DCDC1: variants seen among roughly 807,000 people sequenced by gnomAD.
DCDC1 encodes the protein doublecortin domain-containing protein 1.
Under a neutral mutation model 178.3 loss-of-function variants are expected in DCDC1, and 200 were observed. The observed-to-expected ratio is 1.12, with a 90% CI of 1.00 to 1.26. The LOEUF is 1.26. DCDC1 is among the 50% of genes most tolerant of loss of function. DCDC1 has a pLI of 0.00. For missense variants in DCDC1, 1,983 were observed against 1,749.2 expected, an observed-to-expected ratio of 1.13 and a Z score of -2.38; for synonymous variants, 690 against 604.8, an observed-to-expected ratio of 1.14 and a Z score of -2.07.
rs951060186 is a variant in DCDC1, at chr11:31,272,818, A to G, written c.961-7218T>C. On this transcript the variant is annotated intron_variant, in intron 7 of 38. Transcript: ENST00000684477. ...GAATGTCTGAAGCATTTCCAGATGC[A>G]TGGTGCAAGTTGTCAGTGGATCTAC... Among the ~76,000 whole-genome samples, 3 of 152,194 alleles carry G rather than the reference A, an allele frequency of 2.0e-5. No homozygotes were observed. The South Asian group carries it at 6.2e-4, about 32-fold the overall frequency.
chr11:30,888,632 G>C (rs972654216), intron 36 of DCDC1, among the ~76,000 whole-genome samples: 1 of 152,012 alleles, frequency 6.6e-6, no homozygotes, highest in East Asian at 1.9e-4. Context: ...CAGGAGAATC[G>C]CTTGAACCCA....
intron 20 of DCDC1, among the ~76,000 whole-genome samples, chr11:30,967,635 C>G (rs374915102): frequency 3.5e-4 from 53 of 152,252 alleles, no homozygotes; most frequent in African/African-American, 1.2e-3. Context: ...TGTGTGTTTA[C>G]CCAGGAAATT....
At chr11:31,021,972 C>T (rs1354735030) in intron 20 of DCDC1, among the ~76,000 whole-genome samples, 1 of 152,144 alleles carries the variant, frequency 6.6e-6, no homozygotes, top group African/African-American at 2.4e-5. Flanking sequence ...TTGCACTAGT[C>T]TCACAGGTAA....
chr11:30,912,370 A>G (rs555265218), intron 27 of DCDC1, among the ~76,000 whole-genome samples: 48 of 151,506 alleles, frequency 3.2e-4, no homozygotes, highest in African/African-American at 1.2e-3. Context: ...TGCAACCTCT[A>G]CCTCTTGGGT....
intron 9 of DCDC1, among the ~76,000 whole-genome samples, chr11:31,227,559 C>A (rs192138081): frequency 6.6e-6 from 1 of 152,064 alleles, no homozygotes; most frequent in African/African-American, 2.4e-5. Context: ...CACAAAGAAA[C>A]TTATTTTATC....
chr11:31,185,140 T>C (rs1367354819), intron 9 of DCDC1, among the ~76,000 whole-genome samples: 1 of 152,228 alleles, frequency 6.6e-6, no homozygotes, highest in Non-Finnish European at 1.5e-5. Context: ...ACCATCATTC[T>C]CAGCAAACTA....
chr11:31,216,241 C>T (rs937535267), intron 9 of DCDC1, among the ~76,000 whole-genome samples: 3 of 152,074 alleles, frequency 2.0e-5, no homozygotes, highest in African/African-American at 7.2e-5. Context: ...AGAAAATGGG[C>T]ATGATAGACA....
chr11:30,937,184 A>G (rs1471423036), intron 21 of DCDC1, among the ~76,000 whole-genome samples: 1 of 151,962 alleles, frequency 6.6e-6, no homozygotes, highest in East Asian at 1.9e-4. Context: ...TCCATTTAAC[A>G]TTTTCTTGAA....
intron 20 of DCDC1, among the ~76,000 whole-genome samples, chr11:30,954,884 TTA>T (rs1948676179): frequency 6.6e-6 from 1 of 152,224 alleles, no homozygotes; most frequent in African/African-American, 2.4e-5. Context: ...GCAATGCTTT[TTA>T]TATGTCTTGT....
intron 17 of DCDC1, among the ~76,000 whole-genome samples, chr11:31,090,824 A>G (rs958211917): frequency 6.6e-6 from 1 of 152,212 alleles, no homozygotes; most frequent in Non-Finnish European, 1.5e-5. Flanking sequence ...GAAAACAAAC[A>G]TCAAAACAAA....
At chr11:31,158,576 T>C (rs1049377015) in intron 9 of DCDC1, among the ~76,000 whole-genome samples, 1 of 152,228 alleles carries the variant, frequency 6.6e-6, no homozygotes, top group Non-Finnish European at 1.5e-5. Flanking sequence ...TCTGCTTCTA[T>C]ACATTTGACT....
chr11:30,959,703 C>G (rs1430174188), intron 20 of DCDC1, among the ~76,000 whole-genome samples: 1 of 152,114 alleles, frequency 6.6e-6, no homozygotes, highest in Non-Finnish European at 1.5e-5. Flanking sequence ...TTATATAATC[C>G]AGAAGTGAGG....
intron 9 of DCDC1, among the ~76,000 whole-genome samples, chr11:31,145,546 T>C (rs1964349203): frequency 6.6e-6 from 1 of 152,244 alleles, no homozygotes; most frequent in Non-Finnish European, 1.5e-5. Flanking sequence ...AATGCAGTTC[T>C]CAAGTTCTTT....
At chr11:30,871,951 T>C (rs1245947840) in intron 38 of DCDC1, among the ~76,000 whole-genome samples, 2 of 152,008 alleles carry the variant, frequency 1.3e-5, no homozygotes, top group African/African-American at 4.8e-5. Flanking sequence ...CATACATATA[T>C]ATACATTGCA....
rs1165422439 is a variant in DCDC1 at position 31,067,615 on chromosome 11, A to G, written c.2299-2462T>C. ...CAATATTCATAGCAACATTATTCAT[A>G]GTAGCCAAAATAGTGGAAAGAAATA... On this transcript the variant is annotated intron_variant, in intron 18 of 38. Transcript: ENST00000684477. Among the ~76,000 whole-genome samples, 4 of 152,322 alleles carry G rather than the reference A, an allele frequency of 2.6e-5. No individual in the cohort carries two copies. In the East Asian group the frequency reaches 7.7e-4, roughly 29 times the overall value.
chr11:31,268,130 ATAT>A (rs1945296938), intron 7 of DCDC1, among the ~76,000 whole-genome samples: 1 of 152,164 alleles, frequency 6.6e-6, no homozygotes, highest in South Asian at 2.1e-4. Context: ...CAATTTCTTA[ATAT>A]TATGAAGTTA....
chr11:31,040,170 C>G (rs1204725254), intron 20 of DCDC1, among the ~76,000 whole-genome samples: 1 of 151,990 alleles, frequency 6.6e-6, no homozygotes, highest in Non-Finnish European at 1.5e-5. Context: ...ATAGACACAA[C>G]AGAGCCTATG....
At chr11:30,967,752 C>A (rs761657758) in intron 20 of DCDC1, among the ~76,000 whole-genome samples, 1 of 152,138 alleles carries the variant, frequency 6.6e-6, no homozygotes, top group Non-Finnish European at 1.5e-5. Context: ...TTTCCCCAAA[C>A]AGCTCTTAAA....
intron 20 of DCDC1, among the ~76,000 whole-genome samples, chr11:31,018,713 T>C (rs184960894): frequency 1.3e-3 from 193 of 152,360 alleles, no homozygotes; most frequent in African/African-American, 4.4e-3. Flanking sequence ...CATGCTCTGA[T>C]GAGATTAGAC....
Sources: allele counts gnomAD v4.1 joint callset (sites outside exome capture counted in the v4.1 genomes callset), GRCh38; gene constraint gnomAD v4.1.1; transcripts MANE v1.5; gene names NCBI Gene and HGNC (gene_info 2026-07-23, HGNC 2026-07-21).